NXPH1: variants seen among roughly 807,000 people sequenced by gnomAD.
NXPH1 encodes neurexophilin-1.
A neutral mutation model predicts 23.7 loss-of-function variants in NXPH1; 5 were observed. The observed-to-expected ratio is 0.21, with a 90% confidence interval of 0.11 to 0.44. NXPH1 has a LOEUF of 0.44. NXPH1 is among the 20% of genes least tolerant of loss of function. The probability of loss-of-function intolerance (pLI) is 0.99; values close to 1 mark genes in which losing one functional copy is unlikely to be tolerated. For missense variants in NXPH1, 324 were observed against 321.6 expected (o/e 1.01, Z -0.06); for synonymous variants, 144 against 122.2 (o/e 1.18, Z -1.18).
At chr7:8,746,439 A>G (rs952925020) in intron 2 of NXPH1, among the ~76,000 whole-genome samples, 3 of 152,224 alleles carry the variant, frequency 2.0e-5, no homozygotes, top group African/African-American at 7.2e-5. Context: ...TATATCACTG[A>G]AGGCAAATAA....
Position 8,481,841 on chromosome 7 carries a change from G to A in NXPH1, c.54+46074G>A, listed in dbSNP as rs571991305. ...TGCCCCACTCCCTCCTTCCTCCCCT[G>A]TAGTCCCCAGTGTCTATTGTTACCA... is the stretch of plus-strand genomic sequence containing the variant. On this transcript the variant is annotated intron_variant, in intron 2 of 2. Coordinates refer to ENST00000405863, the MANE Select transcript of NXPH1 (RefSeq NM_152745.3). 2.0e-4 allele frequency among the ~76,000 whole-genome samples: 30 copies of A among 152,136 alleles called. No individual in the cohort carries two copies. The South Asian group carries it at 6.2e-3, about 32-fold the overall frequency.
At chr7:8,523,631 C>A (rs898877180) in intron 2 of NXPH1, among the ~76,000 whole-genome samples, 2 of 152,110 alleles carry the variant, frequency 1.3e-5, no homozygotes, top group African/African-American at 4.8e-5. Context: ...TTCAGGATTT[C>A]TTAAAGCGTT....
At chr7:8,563,550 C>T (rs148923112) in intron 2 of NXPH1, among the ~76,000 whole-genome samples, 4 of 151,766 alleles carry the variant, frequency 2.6e-5, no homozygotes, top group East Asian at 2.0e-4. Context: ...AAACAAGACT[C>T]GGAAGCACTT....
intron 2 of NXPH1, among the ~76,000 whole-genome samples, chr7:8,490,410 GTT>G (rs576239702): frequency 0.052 from 7,259 of 139,768 alleles, 570 homozygotes; most frequent in African/African-American, 0.18. Context: ...TACACAGGCT[GTT>G]TTTTTTTTTT....
At chr7:8,559,349 G>A (rs539461031) in intron 2 of NXPH1, among the ~76,000 whole-genome samples, 24 of 151,754 alleles carry the variant, frequency 1.6e-4, no homozygotes, top group Middle Eastern at 3.4e-3. Flanking sequence ...GTCACCTCCC[G>A]AGTGTCTTAG....
intron 2 of NXPH1, among the ~76,000 whole-genome samples, chr7:8,463,123 C>G (rs913484359): frequency 1.3e-5 from 2 of 152,148 alleles, no homozygotes; most frequent in Admixed American, 6.5e-5. Flanking sequence ...ATTCTTCAGT[C>G]ATAGCCAAGG....
chr7:8,526,692 G>T (rs1435262038), intron 2 of NXPH1, among the ~76,000 whole-genome samples: 1 of 152,114 alleles, frequency 6.6e-6, no homozygotes, highest in African/African-American at 2.4e-5. Flanking sequence ...AGGGGTTTCT[G>T]CTTTTGCTTC....
chr7:8,671,859 G>A (rs554474963), intron 2 of NXPH1, among the ~76,000 whole-genome samples: 75 of 152,262 alleles, frequency 4.9e-4, no homozygotes, highest in African/African-American at 1.8e-3. Context: ...GTGATGATGA[G>A]CATTTTTTCA....
intron 2 of NXPH1, among the ~76,000 whole-genome samples, chr7:8,500,294 G>A (rs983932559): frequency 8.0e-5 from 12 of 150,786 alleles, no homozygotes; most frequent in Non-Finnish European, 1.6e-4. Context: ...TAACAGTATT[G>A]GATCAGATAA....
At chr7:8,461,861 C>T (rs1166815326) in intron 2 of NXPH1, among the ~76,000 whole-genome samples, 1 of 111,442 alleles carries the variant, frequency 9.0e-6, no homozygotes, top group African/African-American at 3.9e-5. Context: ...AGAATAAACA[C>T]ACAAGTGCAT....
At chr7:8,480,285 G>T (rs945493365) in intron 2 of NXPH1, among the ~76,000 whole-genome samples, 1 of 152,120 alleles carries the variant, frequency 6.6e-6, no homozygotes, top group Non-Finnish European at 1.5e-5. Flanking sequence ...AGAAAAAAAG[G>T]TTGGATGGAA....
chr7:8,623,365 G>C (rs1445004608), intron 2 of NXPH1, among the ~76,000 whole-genome samples: 2 of 152,114 alleles, frequency 1.3e-5, no homozygotes, highest in African/African-American at 4.8e-5. Flanking sequence ...ACAAGTTAAA[G>C]GGGGAAGAAT....
chr7:8,454,428 C>A (rs1816556865), intron 2 of NXPH1, among the ~76,000 whole-genome samples: 4 of 152,044 alleles, frequency 2.6e-5, no homozygotes. Context: ...AAGCATTTAT[C>A]CTCTGCTTTG....
At chr7:8,538,591 G>A (rs1485114747) in intron 2 of NXPH1, among the ~76,000 whole-genome samples, 2 of 151,894 alleles carry the variant, frequency 1.3e-5, no homozygotes, top group Non-Finnish European at 2.9e-5. Flanking sequence ...GTCATGGCAT[G>A]AATAAGGTCA....
At chr7:8,531,480 T>C (rs1817948935) in intron 2 of NXPH1, among the ~76,000 whole-genome samples, 1 of 152,176 alleles carries the variant, frequency 6.6e-6, no homozygotes, top group Admixed American at 6.5e-5. Flanking sequence ...CGATCTCTTC[T>C]GTGAGCACCC....
intron 2 of NXPH1, among the ~76,000 whole-genome samples, chr7:8,460,107 T>C (rs762957117): frequency 3.9e-5 from 6 of 152,194 alleles, no homozygotes; most frequent in Non-Finnish European, 5.9e-5. Context: ...TCAATAAATA[T>C]TTAATTTACA....
intron 2 of NXPH1, among the ~76,000 whole-genome samples, chr7:8,490,403 A>G (rs1817229101): frequency 1.3e-5 from 2 of 148,458 alleles, no homozygotes; most frequent in African/African-American, 5.2e-5. Context: ...TTACACATAC[A>G]CAGGCTGTTT....
chr7:8,736,532 G>A (rs185548961), intron 2 of NXPH1, among the ~76,000 whole-genome samples: 1 of 152,302 alleles, frequency 6.6e-6, no homozygotes, highest in East Asian at 1.9e-4. Context: ...ATTTGCTCAG[G>A]AGAGTTTTAC....
intron 2 of NXPH1, among the ~76,000 whole-genome samples, chr7:8,667,058 T>C (rs1027518989): frequency 1.3e-5 from 2 of 152,138 alleles, no homozygotes; most frequent in Non-Finnish European, 2.9e-5. Flanking sequence ...ATGACAACTT[T>C]TATCACATTA....
Sources: gnomAD v4.1 joint callset for allele counts (sites outside exome capture counted in the v4.1 genomes callset) on GRCh38, gnomAD v4.1.1 for gene constraint, MANE v1.5 for transcripts, NCBI Gene and HGNC (gene_info 2026-07-23, HGNC 2026-07-21) for gene names.